The following NDUFAF5 variants were observed in gnomAD, a reference collection of about 807,000 sequenced individuals.
NDUFAF5 encodes NADH:ubiquinone oxidoreductase complex assembly factor 5.
NDUFAF5 carries 34 observed loss-of-function variants against 48.9 expected under a neutral mutation model. The observed-to-expected ratio is 0.70, with a 90% CI of 0.53 to 0.93. The LOEUF (loss-of-function observed/expected upper bound fraction) is 0.93. Among genes scored for constraint, NDUFAF5 ranks in the 40% least tolerant of loss-of-function variants. The pLI, the probability that NDUFAF5 is intolerant of heterozygous loss-of-function variation, is 0.00. For synonymous variants in NDUFAF5, 153 were observed against 150.6 expected (o/e 1.02, Z -0.12); for missense variants, 428 against 427.5 (o/e 1.00, Z -0.01).
At position 13,785,062 on chromosome 20, in the gene NDUFAF5, G is replaced by C. The variant is rs755086433; in HGVS notation, c.-7G>C. The C allele has an allele frequency of 1.2e-6, 2 of 1,609,188 alleles. No individual in the cohort carries two copies. The highest frequency in any genetic ancestry group is 8.5e-7 in the Non-Finnish European group (1 of 1,179,050). On this transcript the variant is annotated 5_prime_UTR_variant, in exon 1 of 11. Coordinates refer to ENST00000378106, the MANE Select transcript of NDUFAF5 (RefSeq NM_024120.5). ...AAAAGCGCCGGCAATTGGGGTCGCA[G>C]CTGGAGATGCTGCGGCCGGCAGGGC...
chr20:13,794,650 T>C (rs536485193), intron 4 of NDUFAF5, among the ~76,000 whole-genome samples, 188 bp from the exon 5 acceptor site: 141 of 152,324 alleles, frequency 9.3e-4, no homozygotes, highest in African/African-American at 3.2e-3. Context: ...TAGTTAGCCA[T>C]TTTTTCTGGC....
In NDUFAF5 at chr20:13,817,428, A is replaced by G; in HGVS notation, c.*218A>G. ...TACTGCTGAGTGTCTTTGCAGATTC[A>G]GCCTAAAAGCAAAGAAAATATTTCC... On this transcript the variant is annotated 3_prime_UTR_variant, in exon 11 of 11. Transcript: ENST00000378106. 2 of 664,996 alleles carry G rather than the reference A, an allele frequency of 3.0e-6. No individual in the cohort carries two copies. The highest frequency in any genetic ancestry group is 3.0e-5 in the East Asian group (1 of 33,746). 41.2% of individuals were successfully genotyped at this position (664,996 alleles called of 1,614,324 possible).
At chr20:13,798,298 A>AT (rs1357964632) in intron 5 of NDUFAF5, among the ~76,000 whole-genome samples, 163 bp from the exon 6 acceptor site, 1 of 152,212 alleles carries the variant, frequency 6.6e-6, no homozygotes, top group East Asian at 1.9e-4. Context: ...CTCTAGGAAT[A>AT]TTTATAATTT....
chr20:13,810,709 A>C (rs1480235152), intron 8 of NDUFAF5, among the ~76,000 whole-genome samples: 5 of 152,034 alleles, frequency 3.3e-5, no homozygotes, highest in Non-Finnish European at 7.4e-5. Flanking sequence ...GAGAAAAGAT[A>C]ATTGATGATG....
intron 7 of NDUFAF5, among the ~76,000 whole-genome samples, chr20:13,806,526 T>TA (rs1174918057): frequency 6.6e-6 from 1 of 151,824 alleles, no homozygotes; most frequent in Non-Finnish European, 1.5e-5. Context: ...AAAAATAAAA[T>TA]AAAAAAAATG....
intron 4 of NDUFAF5, 52 bp downstream of exon 4, chr20:13,793,279 A>G (rs1982622138): frequency 7.1e-7 from 1 of 1,402,454 alleles, no homozygotes; most frequent in South Asian, 1.2e-5. Context: ...GTGTTTTCTC[A>G]TATTTTATTT....
At chr20:13,792,151 G>T (rs147540094) in intron 3 of NDUFAF5, among the ~76,000 whole-genome samples, 2 of 152,344 alleles carry the variant, frequency 1.3e-5, no homozygotes, top group African/African-American at 4.8e-5. Context: ...GACAGGGATA[G>T]ATAATCCTGT....
intron 7 of NDUFAF5, among the ~76,000 whole-genome samples, chr20:13,805,043 A>C (rs1201695744): frequency 1.3e-5 from 2 of 152,336 alleles, no homozygotes; most frequent in East Asian, 3.9e-4. Flanking sequence ...TTTCCTTTAC[A>C]GTCTACCCTC....
intron 8 of NDUFAF5, among the ~76,000 whole-genome samples, chr20:13,810,352 C>A (rs914612761): frequency 6.6e-6 from 1 of 152,162 alleles, no homozygotes; most frequent in Non-Finnish European, 1.5e-5. Context: ...CACTTAGCAG[C>A]GTTAAAAGCA....
intron 8 of NDUFAF5, chr20:13,816,121 G>T (rs1340450916): frequency 2.6e-6 from 1 of 379,496 alleles, no homozygotes; most frequent in Non-Finnish European, 5.1e-6. Flanking sequence ...TGACATCCTT[G>T]GTAAAGTTCT....
chr20:13,793,237 T>C lies in NDUFAF5; in HGVS notation c.375+10T>C. ...TGCAGAAAATGCTTTGGTAGGTAGC[T>C]TTTTAATACTGTTGGTTTCTAATCT... On this transcript the variant is annotated intron_variant, in intron 4 of 10. Transcript: ENST00000378106. The C allele has an allele frequency of 4.4e-6, 7 of 1,605,890 alleles. No homozygotes were observed. The highest frequency in any genetic ancestry group is 6.0e-6 in the Non-Finnish European group (7 of 1,172,868).
At chr20:13,802,350 T>C (rs973395620) in intron 7 of NDUFAF5, among the ~76,000 whole-genome samples, 1 of 152,140 alleles carries the variant, frequency 6.6e-6, no homozygotes, top group African/African-American at 2.4e-5. Context: ...TAACTTACCT[T>C]TTTGAGCATT....
intron 1 of NDUFAF5, among the ~76,000 whole-genome samples, chr20:13,786,783 A>C (rs1981229376): frequency 6.6e-6 from 1 of 152,214 alleles, no homozygotes; most frequent in Non-Finnish European, 1.5e-5. Flanking sequence ...GGATTGGAGC[A>C]GGGGAGGTGC....
intron 3 of NDUFAF5, among the ~76,000 whole-genome samples, chr20:13,790,832 G>GAT (rs903724029): frequency 1.2e-4 from 18 of 152,168 alleles, no homozygotes; most frequent in African/African-American, 4.3e-4. Context: ...TCACCTGTCA[G>GAT]ATCTTTACTC....
In NDUFAF5 at chr20:13,817,186, G is replaced by C; in HGVS notation, c.1014G>C (p.Met338Ile). The change falls in exon 11 of 11, where the codon ATG becomes ATC. Residue 338 changes from methionine to isoleucine, a missense_variant. Coordinates refer to ENST00000378106, the MANE Select transcript of NDUFAF5 (RefSeq NM_024120.5). ...FGELGKINNLMPPGKKSQ is the reference protein window; with the variant it reads ...FGELGKINNLIPPGKKSQ ...AGCTAGGAAAAATAAACAACCTTATGCCACCGGGGAAAAAATCACAATAAA... is the reference window on the plus strand; with the variant it reads ...AGCTAGGAAAAATAAACAACCTTATCCCACCGGGGAAAAAATCACAATAAA... 2.5e-6 allele frequency: 4 copies of C among 1,613,646 alleles called. No homozygotes were observed. The highest frequency in any genetic ancestry group is 3.4e-6 in the Non-Finnish European group (4 of 1,179,658).
chr20:13,818,342 T>G lies in NDUFAF5; in HGVS notation c.*1132T>G, dbSNP rs2147638193. On this transcript the variant is annotated 3_prime_UTR_variant, in exon 11 of 11. Transcript: ENST00000378106. ...AAAGAAATTATTGTTCCCTTCAGTT[T>G]GAAAAATCATCGATATTTGAAACTG... is the stretch of plus-strand genomic sequence containing the variant. 1 of 397,162 alleles carries G rather than the reference T, an allele frequency of 2.5e-6. No individual in the cohort carries two copies. The highest frequency in any genetic ancestry group is 5.0e-6 in the Non-Finnish European group (1 of 200,214). 24.6% of individuals were successfully genotyped at this position (397,162 alleles called of 1,614,324 possible).
Position 13,785,181 on chromosome 20 carries a change from G to A in NDUFAF5, c.113G>A (p.Ser38Asn), listed in dbSNP as rs1459029364. 4 of 1,613,916 alleles carry A rather than the reference G, an allele frequency of 2.5e-6. 1 individual carries two copies. The South Asian group carries it at 4.4e-5, about 18-fold the overall frequency. Residue 38 changes from serine (S) to asparagine (N), a missense_variant, in exon 1 of 11, where the codon AGC (serine) becomes AAC (asparagine). Transcript: ENST00000378106. ...ACCTCTGGTGTCTCTCCCCGCGGTA[G>A]CACCTCGCCCAGAACCCTGAATATT... ...EVTSGVSPRG[S>N]TSPRTLNIFD... is the part of the protein sequence containing the mutation.
rs1360351005 is a variant in NDUFAF5, at chr20:13,801,693, A to G, written c.717+10A>G. 6.2e-7 allele frequency: 1 copy of G among 1,609,752 alleles called. No homozygotes were observed. ...TAATACTCTGACTGTGGTAACTATCAAGTTCGATTAACCCATAACTTACAC... is the reference window on the plus strand; with the variant it reads ...TAATACTCTGACTGTGGTAACTATCGAGTTCGATTAACCCATAACTTACAC... On this transcript the variant is annotated intron_variant, in intron 7 of 10. Transcript: ENST00000378106.
intron 3 of NDUFAF5, 105 bp downstream of exon 3, chr20:13,788,757 T>C: frequency 1.4e-6 from 1 of 725,700 alleles, no homozygotes; most frequent in Non-Finnish European, 2.3e-6. Context: ...AGATTTTAAT[T>C]ATATCAGAAT....
Sources: gnomAD v4.1 joint callset for allele counts (sites outside exome capture counted in the v4.1 genomes callset) on GRCh38, gnomAD v4.1.1 for gene constraint, MANE v1.5 for transcripts, NCBI Gene and HGNC (gene_info 2026-07-23, HGNC 2026-07-21) for gene names.